The following GNL3L variants were observed in gnomAD, a reference collection of about 807,000 sequenced individuals.
The protein encoded by GNL3L is guanine nucleotide-binding protein-like 3-like protein.
In GNL3L, 4 loss-of-function variants were observed where a neutral mutation model predicts 42.9. That is an observed-to-expected ratio of 0.09 (90% CI 0.05 to 0.21). The LOEUF (loss-of-function observed/expected upper bound fraction) is 0.21. Ranked by LOEUF, GNL3L falls within the 10% of genes least tolerant of loss-of-function variation. The probability of loss-of-function intolerance (pLI) is 1.00; values close to 1 mark genes in which losing one functional copy is unlikely to be tolerated. For synonymous variants in GNL3L, 159 were observed against 176.3 expected (o/e 0.90, Z 0.78); for missense variants, 412 against 481.7 (o/e 0.86, Z 1.36).
At chrX:54,589,536 C>A (rs192434656) in intron 16 of GNL3L, among the ~76,000 whole-genome samples, 1 of 111,585 alleles carries the variant, frequency 9.0e-6, no homozygotes, top group Non-Finnish European at 1.9e-5. Flanking sequence ...ATAATGATCT[C>A]TAGTTCCAGC....
downstream of GNL3L, among the ~76,000 whole-genome samples, chrX:54,624,559 T>G (rs1360632425): frequency 1.9e-5 from 2 of 105,731 alleles, no homozygotes; most frequent in African/African-American, 3.4e-5. Flanking sequence ...TGCCTCAGCC[T>G]CCCAAGTAGC....
intron 16 of GNL3L, among the ~76,000 whole-genome samples, chrX:54,596,751 GCACTCAAAC>G (rs1387685150): frequency 9.0e-6 from 1 of 111,703 alleles, no homozygotes; most frequent in Non-Finnish European, 1.9e-5. Flanking sequence ...ATTTGAGCTG[GCACTCAAAC>G]CACGAGACAC....
chrX:54,623,136 A>C (rs764452496), downstream of GNL3L, among the ~76,000 whole-genome samples: 7 of 112,332 alleles, frequency 6.2e-5, no homozygotes, highest in African/African-American at 1.9e-4. Flanking sequence ...AAGTTTTGAA[A>C]TCAGGAAGTA....
chrX:54,560,839 G>A lies in GNL3L; in HGVS notation c.*237G>A, dbSNP rs970340727. 2.4e-5 allele frequency: 6 copies of A among 248,923 alleles called. No individual in the cohort carries two copies. The East Asian group carries it at 2.8e-4, about 12-fold the overall frequency. The allele number at this position is 248,923 out of a possible 1,213,427, so 20.5% of individuals were successfully genotyped here. On this transcript the variant is annotated 3_prime_UTR_variant, in exon 16 of 16. Coordinates refer to ENST00000360845, the MANE Select transcript of GNL3L (RefSeq NM_001184819.2). The stretch of plus-strand genomic sequence containing the variant: ...GCAGATCACCTGAGGTCAGGAGTTC[G>A]AGACCAGCCTGGCCAACATGGTGAA...
chrX:54,641,581 A>G, the GNL3L span, among the ~76,000 whole-genome samples: 1 of 112,017 alleles, frequency 8.9e-6, no homozygotes, highest in African/African-American at 3.2e-5. Flanking sequence ...CACTGGCTCT[A>G]CTTACAGCTC....
chrX:54,540,202 A>G lies in GNL3L; in HGVS notation c.149A>G (p.Asn50Ser), dbSNP rs1601977854. 2 of 1,205,217 alleles carry G rather than the reference A, an allele frequency of 1.7e-6. No homozygotes were observed. The highest frequency in any genetic ancestry group is 1.7e-5 in the African/African-American group (1 of 57,706). The stretch of plus-strand genomic sequence containing the variant: ...TCTGCACCTCATTTTGTTCACCCCA[A>G]TGATCATGCCAATCGAGAGGCTGAA... Reference protein sequence around the residue: ...VPSAPHFVHPNDHANREAELK... With the variant: ...VPSAPHFVHPSDHANREAELK... The change falls in exon 4 of 16, where the codon AAT becomes AGT. Residue 50 changes from asparagine to serine, a missense_variant. Coordinates refer to ENST00000360845, the MANE Select transcript of GNL3L (RefSeq NM_001184819.2).
At chrX:54,625,748 G>A (rs1415994906), downstream of GNL3L, among the ~76,000 whole-genome samples, 1 of 111,185 alleles carries the variant, frequency 9.0e-6, no homozygotes, top group East Asian at 2.8e-4. Context: ...AAAGCCAAAA[G>A]TCATAGTTAA....
At chrX:54,639,395 C>T in the GNL3L span, among the ~76,000 whole-genome samples, 2 of 112,524 alleles carry the variant, frequency 1.8e-5, no homozygotes, top group Non-Finnish European at 3.8e-5. Flanking sequence ...GACTCGATTG[C>T]ATCAGCCTCC....
Position 54,552,355 on chromosome X carries a change from T to C in GNL3L, c.1245T>C (p.Ala415=). The C allele has an allele frequency of 8.3e-7, 1 of 1,205,728 alleles. No individual in the cohort carries two copies. The highest frequency in any genetic ancestry group is 1.1e-6 in the Non-Finnish European group (1 of 890,053). ...ATHTLPTHLS[A]EIVKEMTEVF... ...ACACTCTGCCCACCCATCTCAGTGC[T>C]GAGATCGTTAAGGAAATGACCGAGG... The change falls in exon 13 of 16, where the codon GCT becomes GCC. Residue 415 remains alanine, a synonymous_variant. Coordinates refer to ENST00000360845, the MANE Select transcript of GNL3L (RefSeq NM_001184819.2).
At chrX:54,555,465 TTTCTTTC>T (rs1252283179) in intron 14 of GNL3L, among the ~76,000 whole-genome samples, 1 of 107,589 alleles carries the variant, frequency 9.3e-6, no homozygotes, top group Non-Finnish European at 1.9e-5. Context: ...CCAAGGTTTC[TTTCTTTC>T]TTTTTCTTTC....
chrX:54,602,908 T>C (rs1410596861), intron 16 of GNL3L, among the ~76,000 whole-genome samples: 2 of 112,048 alleles, frequency 1.8e-5, no homozygotes, highest in African/African-American at 6.5e-5. Flanking sequence ...GCAGGTTGGC[T>C]GACATCTTGA....
At chrX:54,610,255 GT>G (rs1413973932) in intron 16 of GNL3L, among the ~76,000 whole-genome samples, 1 of 111,323 alleles carries the variant, frequency 9.0e-6, no homozygotes, top group African/African-American at 3.3e-5. Context: ...TTCTGGAGGA[GT>G]CCTTAGGGTT....
intron 16 of GNL3L, among the ~76,000 whole-genome samples, chrX:54,587,878 A>G (rs1162793292): frequency 9.1e-6 from 1 of 110,493 alleles, no homozygotes; most frequent in Non-Finnish European, 1.9e-5. Context: ...ATGGGGTTTC[A>G]CCATGTTGGC....
chrX:54,602,609 C>T lies in GNL3L; in HGVS notation c.*46-18236C>T, dbSNP rs141018544. 2.8e-3 allele frequency among the ~76,000 whole-genome samples: 312 copies of T among 111,397 alleles called. 1 individual carries two copies. Among genetic ancestry groups the T allele is most frequent in the African/African-American group, 9.7e-3 (298 of 30,689 alleles). On this transcript the variant is annotated intron_variant, in intron 16 of 16. Coordinates refer to the GNL3L transcript ENST00000674498. ...AACAGTGATGGGATGTCACTCCCAC[C>T]ATTAGGTTATATTACATAAAACTCT...
intron 16 of GNL3L, among the ~76,000 whole-genome samples, chrX:54,586,923 C>T (rs922802900): frequency 8.9e-6 from 1 of 111,808 alleles, no homozygotes; most frequent in African/African-American, 3.3e-5. Flanking sequence ...CTGGCACCCA[C>T]CTACACGACC....
rs1311235213 is a variant in GNL3L at position 54,615,244 on chromosome X, C to G, written c.*46-5601C>G. 2.7e-5 allele frequency among the ~76,000 whole-genome samples: 3 copies of G among 112,036 alleles called. No homozygotes were observed. The South Asian group carries it at 1.1e-3, about 41-fold the overall frequency. ...GGCTCATCCATGTTGTAGCATGTAT[C>G]AGTTTTTCATTCCTTTTCATGGCTG... is the stretch of plus-strand genomic sequence containing the variant. On this transcript the variant is annotated intron_variant, in intron 16 of 16. Transcript: ENST00000674498.
chrX:54,607,138 T>TTTCTTTC (rs1426855903), intron 16 of GNL3L, among the ~76,000 whole-genome samples: 15 of 86,817 alleles, frequency 1.7e-4, no homozygotes, highest in African/African-American at 7.7e-4. Context: ...TCTTTCTTTC[T>TTTCTTTC]TTGTCTCTCT....
Position 54,558,317 on chromosome X carries a change from TC to T in GNL3L, c.1447-117del, listed in dbSNP as rs1925156799. On this transcript the variant is annotated intron_variant, in intron 14 of 15. Transcript: ENST00000360845. ...GGTGGGGCCAGAATTGGAGCCTAGTTCCACATGGCTCCAGGCTCCTGTTCTT... is the reference window on the plus strand; with the variant it reads ...GGTGGGGCCAGAATTGGAGCCTAGTTCACATGGCTCCAGGCTCCTGTTCTT... The T allele has an allele frequency of 1.6e-5, 8 of 499,086 alleles. No individual in the cohort carries two copies. In the South Asian group the frequency reaches 2.4e-4, roughly 15 times the overall value. The allele number at this position is 499,086 out of a possible 1,213,427, so 41.1% of individuals were successfully genotyped here.
chrX:54,645,212 T>C, the GNL3L span, among the ~76,000 whole-genome samples: 1 of 112,004 alleles, frequency 8.9e-6, no homozygotes, highest in East Asian at 2.8e-4. Flanking sequence ...CATTTAATTA[T>C]CTTGTCTAAT....
Sources: allele counts gnomAD v4.1 joint callset (sites outside exome capture counted in the v4.1 genomes callset), GRCh38; gene constraint gnomAD v4.1.1; transcripts MANE v1.5; gene names NCBI Gene and HGNC (gene_info 2026-07-23, HGNC 2026-07-21).